The following SEC14L5 variants were observed in gnomAD, a reference collection of about 807,000 sequenced individuals.
SEC14L5 encodes the protein SEC14 like lipid binding 5, also known as SEC14-like protein 5.
SEC14L5 carries 96 observed loss-of-function variants against 84.6 expected under a neutral mutation model. That is an observed-to-expected ratio of 1.13 (90% CI 0.96 to 1.34). The LOEUF (loss-of-function observed/expected upper bound fraction) is 1.34. Among genes scored for constraint, SEC14L5 ranks in the 40% most tolerant of loss-of-function variants. SEC14L5 has a pLI of 0.00. For synonymous variants in SEC14L5, 546 were observed against 383.4 expected (o/e 1.42, Z -4.95); for missense variants, 1,224 against 942.5 (o/e 1.30, Z -3.91).
At chr16:4,974,361 C>T (rs1182453772) in intron 2 of SEC14L5, among the ~76,000 whole-genome samples, 1 of 151,932 alleles carries the variant, frequency 6.6e-6, no homozygotes, top group Non-Finnish European at 1.5e-5. Flanking sequence ...ACCATCATGC[C>T]TGCCTAGTTT....
At chr16:5,012,152 C>T (rs1393051529) in intron 15 of SEC14L5, among the ~76,000 whole-genome samples, 2 of 152,124 alleles carry the variant, frequency 1.3e-5, no homozygotes, top group Admixed American at 6.6e-5. Flanking sequence ...AAGGAGGGGT[C>T]CCATAGTTTG....
chr16:5,012,401 CCT>C (rs1955815862), intron 15 of SEC14L5, among the ~76,000 whole-genome samples: 2 of 152,276 alleles, frequency 1.3e-5, no homozygotes, highest in South Asian at 4.1e-4. Context: ...ACTGCCCTGT[CCT>C]CTTGTAGCCT....
At chr16:5,014,758 G>C (rs566131663) in intron 15 of SEC14L5, 101 bp from the exon 16 acceptor site, 22 of 845,838 alleles carry the variant, frequency 2.6e-5, no homozygotes, top group Non-Finnish European at 4.2e-5. Context: ...TGGGGCCCTG[G>C]GGCCTGATTT....
chr16:4,982,420 C>T (rs1156611951), intron 2 of SEC14L5, among the ~76,000 whole-genome samples: 1 of 152,164 alleles, frequency 6.6e-6, no homozygotes. Context: ...TGACCCTGGC[C>T]CTTCTAGAAC....
chr16:5,011,020 G>C lies in SEC14L5; in HGVS notation c.1801-75G>C, dbSNP rs182233316. On this transcript the variant is annotated intron_variant, in intron 14 of 15. Transcript: ENST00000251170. ...CAATTTCCAGGCCTGGTGATGAGAAGCCCATGAAGGCTCAGCCTCCTTGAC... is the reference window on the plus strand; with the variant it reads ...CAATTTCCAGGCCTGGTGATGAGAACCCCATGAAGGCTCAGCCTCCTTGAC... 5.7e-6 allele frequency: 8 copies of C among 1,408,076 alleles called. 1 individual carries two copies. In the Admixed American group the frequency reaches 1.3e-4, roughly 24 times the overall value. 87.2% of individuals were successfully genotyped at this position (1,408,076 alleles called of 1,614,324 possible).
chr16:4,970,572 G>T (rs926468508), intron 2 of SEC14L5, among the ~76,000 whole-genome samples: 1 of 152,176 alleles, frequency 6.6e-6, no homozygotes, highest in Non-Finnish European at 1.5e-5. Context: ...CTCTAGGCTG[G>T]CCTCGCTAAG....
intron 11 of SEC14L5, 33 bp downstream of exon 11, chr16:5,003,606 T>TCCCACCCACCCCCA: frequency 8.2e-6 from 1 of 121,760 alleles, no homozygotes; most frequent in Non-Finnish European, 1.7e-5. Flanking sequence ...GGACTCTCCC[T>TCCCACCCACCCCCA]GGGGGTGGGT....
At chr16:4,965,660 C>CAAA (rs34483309) in intron 2 of SEC14L5, among the ~76,000 whole-genome samples, 9 of 53,108 alleles carry the variant, frequency 1.7e-4, no homozygotes, top group African/African-American at 9.2e-5. Context: ...GACTCCATCT[C>CAAA]AAAAAAAAAA....
chr16:4,983,201 A>T (rs1955444381), intron 2 of SEC14L5, among the ~76,000 whole-genome samples: 1 of 151,804 alleles, frequency 6.6e-6, no homozygotes, highest in Non-Finnish European at 1.5e-5. Flanking sequence ...TTTAGTAGAG[A>T]CAGGGTTTCA....
At chr16:4,996,223 C>T (rs1955606773) in intron 6 of SEC14L5, 125 bp from the exon 7 acceptor site, 2 of 622,134 alleles carry the variant, frequency 3.2e-6, no homozygotes, top group East Asian at 2.9e-5. Flanking sequence ...GGGGCGGGGG[C>T]TTAGCCTGGT....
At chr16:4,968,957 T>C (rs1246587300) in intron 2 of SEC14L5, among the ~76,000 whole-genome samples, 1 of 152,264 alleles carries the variant, frequency 6.6e-6, no homozygotes, top group Non-Finnish European at 1.5e-5. Context: ...CCTGTGAAGG[T>C]AAATTATTGT....
chr16:5,014,911 GC>G lies in SEC14L5; in HGVS notation c.2034del (p.Ala679ProfsTer116). 1 of 1,613,412 alleles carries G rather than the reference GC, an allele frequency of 6.2e-7. No homozygotes were observed. The highest frequency in any genetic ancestry group is 8.5e-7 in the Non-Finnish European group (1 of 1,179,874). On this transcript the variant is annotated frameshift_variant, in exon 16 of 16. Transcript: ENST00000251170. LOFTEE classifies it high-confidence loss of function. ...SCTSGFSQLSAATSSSSSGQS... is the reference protein window; with the variant it reads ...SCTSGFSQLSXATSSSSSGQS... ...CACCAGCGGCTTCTCCCAGCTCAGC[GC>G]CGCCACCTCGTCCTCCTCCTCCGGC...
At chr16:5,011,020 G>T in intron 14 of SEC14L5, 75 bp from the exon 15 acceptor site, 1 of 1,408,076 alleles carries the variant, frequency 7.1e-7, no homozygotes, top group Non-Finnish European at 9.6e-7. Context: ...GTGATGAGAA[G>T]CCCATGAAGG....
At chr16:5,011,317 G>C in intron 15 of SEC14L5, 44 bp downstream of exon 15, 1 of 1,578,098 alleles carries the variant, frequency 6.3e-7, no homozygotes, top group Non-Finnish European at 8.7e-7. Flanking sequence ...AAGGACCCTG[G>C]GGCTGATTGA....
Position 5,001,038 on chromosome 16 carries a change from C to T in SEC14L5, c.1130+113C>T, listed in dbSNP as rs187715098. On this transcript the variant is annotated intron_variant, in intron 10 of 15. Transcript: ENST00000251170. ...GCAGCGTGCCAGGGGCTTCATTCTC[C>T]CCCAGTTTCTACAGTGGTCTTCTGG... The T allele has an allele frequency of 4.6e-5, 38 of 824,674 alleles. 1 individual carries two copies. In the African/African-American group the frequency reaches 5.4e-4, roughly 12 times the overall value. The allele number at this position is 824,674 out of a possible 1,614,324, so 51.1% of individuals were successfully genotyped here. A position where few individuals can be genotyped will look rare whatever the true frequency, so the allele number is the denominator to read the frequency against.
intron 2 of SEC14L5, 55 bp from the exon 3 acceptor site, chr16:4,987,502 G>GC: frequency 1.4e-6 from 2 of 1,437,646 alleles, no homozygotes; most frequent in Admixed American, 2.3e-5. Context: ...CGCGCTGGGG[G>GC]GGGGGGTCCC....
At chr16:4,981,651 C>T (rs1955425218) in intron 2 of SEC14L5, among the ~76,000 whole-genome samples, 2 of 152,100 alleles carry the variant, frequency 1.3e-5, no homozygotes, top group African/African-American at 4.8e-5. Flanking sequence ...GCTGAGCAAA[C>T]GGTTCTTGGA....
In SEC14L5 at chr16:5,000,671, C is replaced by T. The variant is rs375174467; in HGVS notation, c.987C>T (p.Tyr329=). The change falls in exon 9 of 16, where the codon TAC becomes TAT. Residue 329 remains tyrosine, a synonymous_variant. Transcript: ENST00000251170. ...HYQDIDGRPL[Y]ILRLGQMDTK... ...TCCACAAAGATGGCCGCCCCCTCTA[C>T]ATCCTCCGCCTGGGCCAGATGGACA... is the stretch of plus-strand genomic sequence containing the variant. The T allele has an allele frequency of 5.2e-6, 8 of 1,551,578 alleles. No homozygotes were observed. The highest frequency in any genetic ancestry group is 1.4e-5 in the African/African-American group (1 of 73,060).
intron 14 of SEC14L5, among the ~76,000 whole-genome samples, chr16:5,009,227 G>A (rs1369026976): frequency 6.6e-6 from 1 of 152,038 alleles, no homozygotes; most frequent in Non-Finnish European, 1.5e-5. Flanking sequence ...TTTCTTCTCT[G>A]TCTGTCTCTC....
Sources: allele counts gnomAD v4.1 joint callset (sites outside exome capture counted in the v4.1 genomes callset), GRCh38; gene constraint gnomAD v4.1.1; transcripts MANE v1.5; gene names NCBI Gene and HGNC (gene_info 2026-07-23, HGNC 2026-07-21).